The following FSTL4 variants were observed in gnomAD, a reference collection of about 807,000 sequenced individuals.
FSTL4 encodes follistatin like 4, also known as follistatin-related protein 4.
Under a neutral mutation model 78.2 loss-of-function variants are expected in FSTL4, and 28 were observed. That is an observed-to-expected ratio of 0.36 (90% confidence interval 0.27 to 0.49). The LOEUF (loss-of-function observed/expected upper bound fraction) is 0.49. FSTL4 is among the 20% of genes least tolerant of loss of function. The pLI is 0.98. For synonymous variants in FSTL4, 422 were observed against 440.5 expected, an observed-to-expected ratio of 0.96 and a Z score of 0.53; for missense variants, 922 against 1,084.9, an observed-to-expected ratio of 0.85 and a Z score of 2.11.
chr5:133,325,620 C>T (rs777806160), intron 4 of FSTL4, among the ~76,000 whole-genome samples: 3 of 152,126 alleles, frequency 2.0e-5, no homozygotes, highest in South Asian at 2.1e-4. Context: ...GGTGGGTCTG[C>T]TCTGAATGCC....
intron 3 of FSTL4, among the ~76,000 whole-genome samples, chr5:133,486,896 G>C (rs1339078433): frequency 6.6e-6 from 1 of 152,156 alleles, no homozygotes; most frequent in Admixed American, 6.5e-5. Flanking sequence ...GGCCCAGAGA[G>C]GATAACTTGC....
chr5:133,657,775 G>GT, the FSTL4 span, among the ~76,000 whole-genome samples: 1,735 of 133,674 alleles, frequency 0.013, 19 homozygotes, highest in Non-Finnish European at 0.017. Context: ...TGTTTTTTTT[G>GT]TTTTTTTTTT....
At chr5:133,546,480 T>A (rs1360250021) in intron 3 of FSTL4, among the ~76,000 whole-genome samples, 8 of 126,180 alleles carry the variant, frequency 6.3e-5, no homozygotes, top group African/African-American at 2.2e-4. Flanking sequence ...CACTCCAGCC[T>A]GGCTGACAGA....
chr5:133,251,159 A>G (rs1316075881), intron 6 of FSTL4, among the ~76,000 whole-genome samples: 1 of 152,208 alleles, frequency 6.6e-6, no homozygotes, highest in Non-Finnish European at 1.5e-5. Flanking sequence ...GAGAGAAGGC[A>G]CTAACTCTGT....
At chr5:133,642,556 C>A in the FSTL4 span, among the ~76,000 whole-genome samples, 1 of 152,166 alleles carries the variant, frequency 6.6e-6, no homozygotes, top group Non-Finnish European at 1.5e-5. Flanking sequence ...TGTACACCGC[C>A]CATGGAGACC....
At chr5:133,370,474 T>C (rs1419094196) in intron 4 of FSTL4, among the ~76,000 whole-genome samples, 1 of 152,124 alleles carries the variant, frequency 6.6e-6, no homozygotes, top group East Asian at 1.9e-4. Flanking sequence ...TGCTGGAGGA[T>C]ACCCAAAGTA....
At chr5:133,600,525 C>T (rs1760842429) in intron 2 of FSTL4, among the ~76,000 whole-genome samples, 1 of 152,156 alleles carries the variant, frequency 6.6e-6, no homozygotes, top group South Asian at 2.1e-4. Context: ...GCACGTTCTG[C>T]CACTCCACTC....
intron 4 of FSTL4, among the ~76,000 whole-genome samples, chr5:133,320,884 G>T (rs1434738444): frequency 1.3e-5 from 2 of 151,834 alleles, no homozygotes; most frequent in Admixed American, 6.6e-5. Context: ...GCGGGCGCCT[G>T]TGGTCCCAGC....
intron 4 of FSTL4, among the ~76,000 whole-genome samples, chr5:133,389,282 C>G (rs573266096): frequency 1.3e-5 from 2 of 152,200 alleles, no homozygotes; most frequent in African/African-American, 4.8e-5. Context: ...CCTCTGTTTA[C>G]TCTCACTGCA....
chr5:133,237,752 C>G (rs892993406), intron 7 of FSTL4, among the ~76,000 whole-genome samples: 1 of 152,138 alleles, frequency 6.6e-6, no homozygotes, highest in Non-Finnish European at 1.5e-5. Flanking sequence ...CTACATAAAA[C>G]TAAGCCTGCA....
chr5:133,669,886 C>T, the FSTL4 span, among the ~76,000 whole-genome samples: 1 of 152,178 alleles, frequency 6.6e-6, no homozygotes, highest in Non-Finnish European at 1.5e-5. Flanking sequence ...CCTCTCTGCT[C>T]TCTAGCATAA....
intron 4 of FSTL4, among the ~76,000 whole-genome samples, chr5:133,391,205 C>T (rs750290715): frequency 6.6e-6 from 1 of 152,210 alleles, no homozygotes. Context: ...AGATTCAATA[C>T]ATGGTGTCAT....
At chr5:133,803,618 G>A in the FSTL4 span, among the ~76,000 whole-genome samples, 3 of 152,274 alleles carry the variant, frequency 2.0e-5, no homozygotes, top group South Asian at 2.1e-4. Flanking sequence ...GAAACATGGG[G>A]GCAGAAGCAT....
At chr5:133,824,892 C>T in the FSTL4 span, among the ~76,000 whole-genome samples, 1 of 152,138 alleles carries the variant, frequency 6.6e-6, no homozygotes, top group Non-Finnish European at 1.5e-5. Flanking sequence ...ACACCCAACT[C>T]CACAGACAGA....
chr5:133,249,514 G>A lies in FSTL4; in HGVS notation c.790C>T (p.Leu264=), dbSNP rs1229896635. 1 of 1,613,400 alleles carries A rather than the reference G, an allele frequency of 6.2e-7. No homozygotes were observed. Among genetic ancestry groups the A allele is most frequent in the East Asian group, 2.2e-5 (1 of 44,868 alleles). The change falls in exon 7 of 16, where the codon CTG becomes TTG. Residue 264 remains leucine (L), a synonymous_variant. Coordinates refer to ENST00000265342, the MANE Select transcript of FSTL4 (RefSeq NM_015082.2). The part of the protein sequence containing the change: ...RVSVTTVTVG[L]STVLTCAVHG... ...ACGGCGCAGGTCAGCACTGTGCTCA[G>A]CCCCACGGTCACTGTGGTCACACTG... is the stretch of plus-strand genomic sequence containing the variant.
At chr5:133,704,511 C>T in the FSTL4 span, among the ~76,000 whole-genome samples, 1 of 152,216 alleles carries the variant, frequency 6.6e-6, no homozygotes, top group African/African-American at 2.4e-5. Flanking sequence ...GAATGCCAGT[C>T]CTAAATCCTA....
chr5:133,364,254 G>C (rs751074889), intron 4 of FSTL4, among the ~76,000 whole-genome samples: 4 of 151,970 alleles, frequency 2.6e-5, no homozygotes, highest in Non-Finnish European at 5.9e-5. Flanking sequence ...CAGGTCTCCA[G>C]ACTGCTTGTA....
At chr5:133,720,285 G>A in the FSTL4 span, among the ~76,000 whole-genome samples, 28 of 152,132 alleles carry the variant, frequency 1.8e-4, no homozygotes, top group African/African-American at 6.0e-4. Flanking sequence ...TCTTTTTGTG[G>A]CAACCTGTAA....
chr5:133,211,611 C>T (rs1750726231), intron 13 of FSTL4, among the ~76,000 whole-genome samples: 2 of 152,232 alleles, frequency 1.3e-5, no homozygotes, highest in Admixed American at 1.3e-4. Context: ...CTCACTTTCA[C>T]CAAGTTTCTG....
Sources: allele counts gnomAD v4.1 joint callset (sites outside exome capture counted in the v4.1 genomes callset), GRCh38; gene constraint gnomAD v4.1.1; transcripts MANE v1.5; gene names NCBI Gene and HGNC (gene_info 2026-07-23, HGNC 2026-07-21).